The following IRAK1BP1 variants were observed in gnomAD, a reference collection of about 807,000 sequenced individuals.
The protein encoded by IRAK1BP1 is interleukin 1 receptor associated kinase 1 binding protein 1.
A neutral mutation model predicts 28.0 loss-of-function variants in IRAK1BP1; 24 were observed. The ratio of observed to expected loss-of-function variants is 0.86; its 90% CI spans 0.62 to 1.20. The LOEUF (loss-of-function observed/expected upper bound fraction) is 1.20. Ranked by LOEUF, IRAK1BP1 falls within the 50% of genes most tolerant of loss-of-function variation. The pLI is 0.00. For synonymous variants in IRAK1BP1, 131 were observed against 116.3 expected (o/e 1.13, Z -0.81); for missense variants, 336 against 316.7 (o/e 1.06, Z -0.46).
chr6:78,934,424 T>C (rs796632273), intron 4 of IRAK1BP1, among the ~76,000 whole-genome samples: 11 of 152,366 alleles, frequency 7.2e-5, no homozygotes, highest in African/African-American at 1.4e-4. Flanking sequence ...TAAAATAAAG[T>C]GTGCCTGTAC....
chr6:78,884,786 CACTG>C (rs1771357455), intron 1 of IRAK1BP1, among the ~76,000 whole-genome samples: 2 of 152,056 alleles, frequency 1.3e-5, no homozygotes, highest in South Asian at 2.1e-4. Context: ...TTTTTTAAAA[CACTG>C]ACACTCAACA....
the IRAK1BP1 span, among the ~76,000 whole-genome samples, chr6:78,975,325 C>T: frequency 2.0e-5 from 3 of 152,164 alleles, no homozygotes; most frequent in Non-Finnish European, 4.4e-5. Flanking sequence ...AATCAACAAC[C>T]TTTCATGCTA....
chr6:78,895,939 G>GA (rs1328540603), intron 2 of IRAK1BP1, among the ~76,000 whole-genome samples: 6 of 152,134 alleles, frequency 3.9e-5, no homozygotes, highest in Non-Finnish European at 8.8e-5. Context: ...TGGACAACAT[G>GA]ACCATTGTAG....
chr6:78,929,862 T>C (rs1208869915), intron 4 of IRAK1BP1, among the ~76,000 whole-genome samples: 2 of 152,098 alleles, frequency 1.3e-5, no homozygotes, highest in Non-Finnish European at 2.9e-5. Flanking sequence ...ATATTACTTT[T>C]ACATAATATT....
At chr6:78,961,642 A>C in the IRAK1BP1 span, 1 of 1,593,412 alleles carries the variant, frequency 6.3e-7, no homozygotes, top group South Asian at 1.1e-5. Flanking sequence ...AATGGGTGGA[A>C]AGATCACCAG....
chr6:78,970,750 G>C, the IRAK1BP1 span: 2 of 1,326,634 alleles, frequency 1.5e-6, no homozygotes, highest in Non-Finnish European at 2.1e-6. Context: ...TTGTATTTTT[G>C]GGGCTATTAA....
Position 78,902,657 on chromosome 6 carries a change from G to A in IRAK1BP1, c.*4323G>A, listed in dbSNP as rs2127657555. 5.0e-6 allele frequency: 1 copy of A among 201,610 alleles called. No individual in the cohort carries two copies. Among genetic ancestry groups the A allele is most frequent in the East Asian group, 1.1e-4 (1 of 8,798 alleles). The allele number at this position is 201,610 out of a possible 1,614,324, so 12.5% of individuals were successfully genotyped here. ...GTGGTGGCGTGTGACTGTAATCTCA[G>A]CTACCGGGGAGGCTGAAGCAGAAGA... On this transcript the variant is annotated 3_prime_UTR_variant, in exon 4 of 4. Transcript: ENST00000369940.
the IRAK1BP1 span, among the ~76,000 whole-genome samples, chr6:78,974,560 A>C: frequency 2.0e-5 from 3 of 152,038 alleles, no homozygotes; most frequent in Admixed American, 6.6e-5. Flanking sequence ...GACACAAAAA[A>C]CCCTTCAAAA....
chr6:78,964,348 A>T, the IRAK1BP1 span, among the ~76,000 whole-genome samples: 1 of 152,190 alleles, frequency 6.6e-6, no homozygotes, highest in African/African-American at 2.4e-5. Flanking sequence ...ATTTTCTCCA[A>T]CAGTTATTTT....
rs138665682 is a variant in IRAK1BP1, at chr6:78,867,728, G to A, written c.152G>A (p.Arg51His). The A allele has an allele frequency of 6.2e-7, 1 of 1,614,100 alleles. No individual in the cohort carries two copies. The highest frequency in any genetic ancestry group is 8.5e-7 in the Non-Finnish European group (1 of 1,180,042). ...TCAACACAAGCCCAAACTGCTACCC[G>A]CGAGGTGCAAGTAAGCGGCACCTCA... is the stretch of plus-strand genomic sequence containing the variant. ...LSSTQAQTATREVQVSGTSEV... is the reference protein window; with the variant it reads ...LSSTQAQTATHEVQVSGTSEV... The change falls in exon 1 of 4, where the codon CGC becomes CAC. Residue 51 changes from arginine to histidine, a missense_variant. By Grantham distance (29) the Arg-to-His change is conservative (BLOSUM62 0). Coordinates refer to ENST00000369940, the MANE Select transcript of IRAK1BP1 (RefSeq NM_001010844.4).
intron 1 of IRAK1BP1, chr6:78,872,282 A>G (rs1002471784): frequency 2.5e-5 from 12 of 486,396 alleles, no homozygotes; most frequent in Non-Finnish European, 3.6e-5. Flanking sequence ...GTTTTTTGGG[A>G]TCACCTTCAA....
At chr6:78,937,321 T>A in intron 4 of IRAK1BP1, 2 of 151,800 alleles carry the variant, frequency 1.3e-5, no homozygotes, top group Admixed American at 1.3e-4. Flanking sequence ...ACTGGAGAAA[T>A]TAATTTATAT....
the IRAK1BP1 span, among the ~76,000 whole-genome samples, chr6:78,969,363 A>G: frequency 7.8e-4 from 119 of 152,316 alleles, 1 homozygote; most frequent in African/African-American, 2.3e-3. Flanking sequence ...CACATCATCT[A>G]TATGTAAATT....
At chr6:78,908,901 T>TAA (rs1772333917) in intron 4 of IRAK1BP1, among the ~76,000 whole-genome samples, 1 of 152,164 alleles carries the variant, frequency 6.6e-6, no homozygotes, top group African/African-American at 2.4e-5. Context: ...CTGAAGGAGA[T>TAA]AGATAGGATC....
At chr6:78,977,755 T>C in the IRAK1BP1 span, among the ~76,000 whole-genome samples, 1 of 152,178 alleles carries the variant, frequency 6.6e-6, no homozygotes, top group Admixed American at 6.5e-5. Context: ...ATCACAACAA[T>C]GTGGTAATGT....
At position 78,913,695 on chromosome 6, in the gene IRAK1BP1, A is replaced by G. The variant is rs1317387263; in HGVS notation, c.*67+10585A>G. Reference sequence around the variant, plus strand: ...TGACTGCATCTTTAAAATACAGTTTAGACTAAAAAGTGATGAGAGTGAACT... The same window carrying G: ...TGACTGCATCTTTAAAATACAGTTTGGACTAAAAAGTGATGAGAGTGAACT... On this transcript the variant is annotated intron_variant and NMD_transcript_variant, in intron 4 of 4. Coordinates refer to the IRAK1BP1 transcript ENST00000606868. Among the ~76,000 whole-genome samples the G allele has an allele frequency of 4.6e-5, 7 of 152,238 alleles. No homozygotes were observed. The East Asian group carries it at 1.3e-3, about 29-fold the overall frequency.
chr6:78,911,067 G>A (rs1168382180), intron 4 of IRAK1BP1, among the ~76,000 whole-genome samples: 1 of 152,134 alleles, frequency 6.6e-6, no homozygotes, highest in African/African-American at 2.4e-5. Context: ...TGGCCTTCGT[G>A]TCCTCTGCAG....
At chr6:78,976,010 A>G in the IRAK1BP1 span, among the ~76,000 whole-genome samples, 1 of 151,942 alleles carries the variant, frequency 6.6e-6, no homozygotes, top group Non-Finnish European at 1.5e-5. Context: ...TCTTCACAGA[A>G]TTGGAAAAAA....
chr6:78,937,295 G>A (rs1773309979), intron 4 of IRAK1BP1: 1 of 151,676 alleles, frequency 6.6e-6, no homozygotes, highest in Non-Finnish European at 1.5e-5. Context: ...TGTCAGAATT[G>A]AAGTAAACAT....
Sources: gnomAD v4.1 joint callset for allele counts (sites outside exome capture counted in the v4.1 genomes callset) on GRCh38, gnomAD v4.1.1 for gene constraint, MANE v1.5 for transcripts, NCBI Gene and HGNC (gene_info 2026-07-23, HGNC 2026-07-21) for gene names.